The following UBE2Q2 variants were observed in gnomAD, a reference collection of about 807,000 sequenced individuals.
The protein encoded by UBE2Q2 is ubiquitin conjugating enzyme E2 Q2.
In UBE2Q2, 54 loss-of-function variants were observed where a neutral mutation model predicts 59.9. That is an observed-to-expected ratio of 0.90 (90% confidence interval 0.72 to 1.13). The LOEUF is 1.13. UBE2Q2 is among the 50% of genes most tolerant of loss of function. UBE2Q2 has a pLI of 0.00. For missense variants in UBE2Q2, 433 were observed against 441.9 expected, an observed-to-expected ratio of 0.98 and a Z score of 0.18; for synonymous variants, 165 against 155.2, an observed-to-expected ratio of 1.06 and a Z score of -0.47.
At chr15:75,882,233 A>C (rs1898472368) in intron 8 of UBE2Q2, among the ~76,000 whole-genome samples, 1 of 152,194 alleles carries the variant, frequency 6.6e-6, no homozygotes, top group Non-Finnish European at 1.5e-5. Context: ...TTAAGATCTC[A>C]GATAACTTTC....
chr15:75,844,591 T>C (rs1896225396), intron 1 of UBE2Q2: 5 of 1,284,658 alleles, frequency 3.9e-6, no homozygotes, highest in Non-Finnish European at 4.2e-6. Context: ...AAAGATCACG[T>C]ATGTCACAAA....
At chr15:75,855,331 A>G (rs1896846749) in intron 2 of UBE2Q2, among the ~76,000 whole-genome samples, 1 of 152,164 alleles carries the variant, frequency 6.6e-6, no homozygotes, top group South Asian at 2.1e-4. Flanking sequence ...TCTCTGCTAA[A>G]CATATAAAAA....
intron 8 of UBE2Q2, among the ~76,000 whole-genome samples, chr15:75,880,184 C>G (rs1379278916): frequency 6.6e-6 from 1 of 150,936 alleles, no homozygotes; most frequent in Non-Finnish European, 1.5e-5. Context: ...ACAGTTTTGG[C>G]TCACTGCAAC....
chr15:75,856,983 T>C (rs535480942), intron 2 of UBE2Q2, among the ~76,000 whole-genome samples: 13 of 151,526 alleles, frequency 8.6e-5, no homozygotes, highest in Admixed American at 8.5e-4. Context: ...GGCTGAGGCT[T>C]GGCACAGTGG....
intron 9 of UBE2Q2, among the ~76,000 whole-genome samples, chr15:75,884,454 C>T (rs1323002662): frequency 6.6e-6 from 1 of 152,098 alleles, no homozygotes; most frequent in Non-Finnish European, 1.5e-5. Context: ...GGCTAAAATC[C>T]TGTTAAGAAT....
At chr15:75,879,331 G>GT in intron 8 of UBE2Q2, 143 bp downstream of exon 8, 2 of 512,456 alleles carry the variant, frequency 3.9e-6, no homozygotes, top group South Asian at 6.8e-5. Flanking sequence ...CCGTTAAGAC[G>GT]TGAGTACTTA....
chr15:75,847,429 G>A (rs1328029986), intron 1 of UBE2Q2, among the ~76,000 whole-genome samples: 5 of 152,158 alleles, frequency 3.3e-5, no homozygotes, highest in Admixed American at 3.3e-4. Context: ...TAGGCCAAGG[G>A]AATTGAGCTA....
chr15:75,848,169 ATAT>A (rs1369690657), intron 1 of UBE2Q2, among the ~76,000 whole-genome samples: 3 of 152,202 alleles, frequency 2.0e-5, no homozygotes, highest in Admixed American at 6.5e-5. Context: ...TTTGGCAATG[ATAT>A]TATGTTCTAC....
chr15:75,878,162 G>A (rs1453458240), intron 7 of UBE2Q2, 141 bp downstream of exon 7: 6 of 663,246 alleles, frequency 9.0e-6, no homozygotes, highest in Non-Finnish European at 9.8e-6. Context: ...ATAGTTCTTA[G>A]ATTGTTTAAA....
At chr15:75,890,822 G>T in intron 10 of UBE2Q2, 97 bp from the exon 11 acceptor site, 1 of 1,003,684 alleles carries the variant, frequency 1.0e-6, no homozygotes, top group South Asian at 1.5e-5. Context: ...TTTTAACACT[G>T]ATTTGCTGCT....
intron 2 of UBE2Q2, among the ~76,000 whole-genome samples, chr15:75,858,655 A>G (rs1464129461): frequency 6.6e-6 from 1 of 152,088 alleles, no homozygotes; most frequent in Non-Finnish European, 1.5e-5. Flanking sequence ...GTTGCTTGGT[A>G]TGACTCCACT....
In UBE2Q2 at chr15:75,854,583, A is replaced by T. The variant is rs558858048; in HGVS notation, c.282+96A>T. On this transcript the variant is annotated intron_variant, in intron 2 of 12. Transcript: ENST00000267938. Reference sequence around the variant, plus strand: ...ATAATATGATATAAAAGCATGATTAATGATTATAATCTTGTAGGAATTAAA... The same window carrying T: ...ATAATATGATATAAAAGCATGATTATTGATTATAATCTTGTAGGAATTAAA... 3 of 729,224 alleles carry T rather than the reference A, an allele frequency of 4.1e-6. No homozygotes were observed. The African/African-American group carries it at 5.5e-5, about 13-fold the overall frequency. 45.2% of individuals were successfully genotyped at this position (729,224 alleles called of 1,614,324 possible).
chr15:75,899,105 C>CAAAA (rs34292081), intron 12 of UBE2Q2, among the ~76,000 whole-genome samples: 1 of 111,108 alleles, frequency 9.0e-6, no homozygotes, highest in African/African-American at 3.5e-5. Flanking sequence ...TACTAAATAC[C>CAAAA]AAAAAAAAAA....
intron 3 of UBE2Q2, among the ~76,000 whole-genome samples, chr15:75,864,075 C>G (rs1368992449): frequency 2.0e-5 from 3 of 152,080 alleles, no homozygotes; most frequent in Non-Finnish European, 4.4e-5. Context: ...TTATGAATTC[C>G]TAATTTTGAA....
chr15:75,858,728 A>G (rs56167836), intron 2 of UBE2Q2, among the ~76,000 whole-genome samples: 5,443 of 152,286 alleles, frequency 0.036, 174 homozygotes, highest in African/African-American at 0.081. Context: ...CAGAGTGTCT[A>G]GGTCTGTGTC....
chr15:75,885,979 A>G (rs1340569434), intron 9 of UBE2Q2, among the ~76,000 whole-genome samples: 7 of 149,284 alleles, frequency 4.7e-5, no homozygotes, highest in Non-Finnish European at 1.0e-4. Context: ...GAAAAATAGT[A>G]AATTTTTAAC....
chr15:75,868,834 T>G (rs1897636976), intron 3 of UBE2Q2, 117 bp from the exon 4 acceptor site: 1 of 755,702 alleles, frequency 1.3e-6, no homozygotes, highest in African/African-American at 1.8e-5. Flanking sequence ...TAATAAACTG[T>G]CTGGTAGTGG....
At chr15:75,889,654 C>CTAAT (rs1898984871) in intron 9 of UBE2Q2, among the ~76,000 whole-genome samples, 1 of 152,170 alleles carries the variant, frequency 6.6e-6, no homozygotes, top group Non-Finnish European at 1.5e-5. Context: ...CCACACAGAC[C>CTAAT]TAATCAGTGG....
chr15:75,844,406 G>C (rs911593602), intron 1 of UBE2Q2: 47 of 1,551,508 alleles, frequency 3.0e-5, no homozygotes, highest in Non-Finnish European at 3.8e-5. Flanking sequence ...CTCTGGTGCT[G>C]TTTGAGCGAC....
Sources: allele counts gnomAD v4.1 joint callset (sites outside exome capture counted in the v4.1 genomes callset), GRCh38; gene constraint gnomAD v4.1.1; transcripts MANE v1.5; gene names NCBI Gene and HGNC (gene_info 2026-07-23, HGNC 2026-07-21).